Variants in HACE1 observed in about 807,000 individuals in gnomAD.
The protein encoded by HACE1 is HECT domain and ankyrin repeat containing E3 ubiquitin protein ligase 1, also known as E3 ubiquitin-protein ligase HACE1.
Under a neutral mutation model 118.4 loss-of-function variants are expected in HACE1, and 73 were observed. That is an observed-to-expected ratio of 0.62 (90% CI 0.51 to 0.75). The LOEUF is 0.75. HACE1 is among the 30% of genes least tolerant of loss of function. The pLI is 0.00. For synonymous variants in HACE1, 368 were observed against 374.8 expected, an observed-to-expected ratio of 0.98 and a Z score of 0.21; for missense variants, 749 against 1,102.2, an observed-to-expected ratio of 0.68 and a Z score of 4.54.
intron 5 of HACE1, 30 bp downstream of exon 5, chr6:104,843,192 TA>T: frequency 9.2e-7 from 1 of 1,084,312 alleles, no homozygotes; most frequent in Non-Finnish European, 1.4e-6. Flanking sequence ...AACATACTTT[TA>T]AAACATCAGA....
chr6:104,838,890 TAAAAAAAAAAA>T (rs71003448), intron 5 of HACE1, among the ~76,000 whole-genome samples: 12 of 58,858 alleles, frequency 2.0e-4, no homozygotes, highest in African/African-American at 4.1e-4. Context: ...AACTCCATAG[TAAAAAAAAAAA>T]AAAAAAAAAA....
intron 6 of HACE1, among the ~76,000 whole-genome samples, chr6:104,825,295 C>T (rs1442886891): frequency 6.6e-6 from 1 of 152,052 alleles, no homozygotes. Flanking sequence ...CCTTTGCAAA[C>T]CCCCACCTCT....
chr6:104,776,793 C>T lies in HACE1; in HGVS notation c.1812G>A (p.Leu604=). 1.2e-6 allele frequency: 2 copies of T among 1,610,652 alleles called. No homozygotes were observed. The highest frequency in any genetic ancestry group is 8.5e-7 in the Non-Finnish European group (1 of 1,176,916). ...AATCAGGATTGACTATCTCATTGGACAGAATATCAAACCACTCACGCACAA... is the reference window on the plus strand; with the variant it reads ...AATCAGGATTGACTATCTCATTGGATAGAATATCAAACCACTCACGCACAA... The part of the protein sequence containing the change: ...QGVVREWFDI[L]SNEIVNPDYA... Residue 604 remains leucine, a synonymous_variant, in exon 17 of 24, where the codon CTG becomes CTA. Coordinates refer to ENST00000262903, the MANE Select transcript of HACE1 (RefSeq NM_020771.4).
rs1339838735 is a variant in HACE1, at chr6:104,728,709, C to G, written c.*953G>C. ...ATATGCTGTAACTATTCAAGTACGT[C>G]TTTTCAAAATAAAACTGATTAACCA... On this transcript the variant is annotated 3_prime_UTR_variant, in exon 24 of 24. Transcript: ENST00000262903. The G allele has an allele frequency of 6.6e-6, 1 of 152,122 alleles. No homozygotes were observed. Among genetic ancestry groups the G allele is most frequent in the African/African-American group, 2.4e-5 (1 of 41,434 alleles). The allele number at this position is 152,122 out of a possible 1,614,324, so 9.4% of individuals were successfully genotyped here.
chr6:104,806,504 T>C (rs1392598248), intron 7 of HACE1, among the ~76,000 whole-genome samples: 1 of 152,074 alleles, frequency 6.6e-6, no homozygotes, highest in African/African-American at 2.4e-5. Flanking sequence ...TTTAAATAGA[T>C]TTAAAAACAA....
intron 2 of HACE1, 143 bp downstream of exon 2, chr6:104,852,174 C>A: frequency 1.5e-6 from 1 of 646,124 alleles, no homozygotes; most frequent in South Asian, 1.7e-5. Flanking sequence ...AATAACTTGC[C>A]CCAGAACATC....
Position 104,744,550 on chromosome 6 carries a change from A to G in HACE1, c.2404T>C (p.Tyr802His), listed in dbSNP as rs1777196226. The G allele has an allele frequency of 6.2e-7, 1 of 1,603,562 alleles. No homozygotes were observed. The highest frequency in any genetic ancestry group is 8.5e-7 in the Non-Finnish European group (1 of 1,170,530). Residue 802 changes from tyrosine (Y) to histidine (H), a missense_variant, in exon 21 of 24, where the codon TAC becomes CAC. Coordinates refer to ENST00000262903, the MANE Select transcript of HACE1 (RefSeq NM_020771.4). ...TCTTCTCTTTCATAGCCACTTGTGT[A>G]TTCTGTATTTTTTATCCAATCACTC... The part of the protein sequence containing the change: ...DVSDWIKNTE[Y>H]TSGYEREDPV...
chr6:104,731,630 C>T (rs1436383854), intron 22 of HACE1: 1 of 152,008 alleles, frequency 6.6e-6, no homozygotes, highest in Admixed American at 6.6e-5. Flanking sequence ...ACAGTCTTTT[C>T]AACGAAGTGT....
intron 7 of HACE1, among the ~76,000 whole-genome samples, chr6:104,809,097 A>G (rs1163440410): frequency 3.9e-5 from 6 of 152,326 alleles, no homozygotes; most frequent in African/African-American, 1.2e-4. Flanking sequence ...ATTGTTTTTT[A>G]TAAGATATTT....
chr6:104,843,024 A>G (rs554240278), intron 5 of HACE1, among the ~76,000 whole-genome samples, 199 bp downstream of exon 5: 1 of 152,290 alleles, frequency 6.6e-6, no homozygotes, highest in African/African-American at 2.4e-5. Flanking sequence ...AGGCACAAGA[A>G]TCGCTTGAAC....
chr6:104,784,386 G>A (rs1349041910), intron 13 of HACE1, 31 bp downstream of exon 13: 2 of 1,396,606 alleles, frequency 1.4e-6, no homozygotes, highest in Admixed American at 3.3e-5. Flanking sequence ...GGAAAGGCTA[G>A]CAGGGTACTC....
intron 22 of HACE1, among the ~76,000 whole-genome samples, chr6:104,735,856 A>T (rs1376164094): frequency 1.3e-5 from 2 of 152,170 alleles, no homozygotes; most frequent in Non-Finnish European, 2.9e-5. Flanking sequence ...TAAATAGGAA[A>T]ATTTAGCAAT....
chr6:104,803,450 A>T (rs1004105909), intron 7 of HACE1, among the ~76,000 whole-genome samples: 17 of 152,228 alleles, frequency 1.1e-4, no homozygotes, highest in Admixed American at 9.8e-4. Flanking sequence ...ATGAACATTG[A>T]TGCAAAAATC....
At chr6:104,783,643 G>A (rs1781997084) in intron 14 of HACE1, among the ~76,000 whole-genome samples, 1 of 152,206 alleles carries the variant, frequency 6.6e-6, no homozygotes, top group Non-Finnish European at 1.5e-5. Context: ...TCTGGTAGGG[G>A]AAAGGTGGTC....
At chr6:104,744,465 T>C in intron 21 of HACE1, 47 bp downstream of exon 21, 2 of 1,102,280 alleles carry the variant, frequency 1.8e-6, no homozygotes, top group Non-Finnish European at 2.8e-6. Context: ...GCTTACAAAA[T>C]TAAACGGCAA....
chr6:104,760,309 G>A (rs9486008), intron 19 of HACE1, among the ~76,000 whole-genome samples: 5,188 of 152,120 alleles, frequency 0.034, 277 homozygotes, highest in African/African-American at 0.12. Flanking sequence ...ATAAAATACC[G>A]GCAAACCAAA....
At chr6:104,773,713 C>G (rs978754354) in intron 17 of HACE1, among the ~76,000 whole-genome samples, 5 of 151,248 alleles carry the variant, frequency 3.3e-5, no homozygotes. Context: ...TTAATTCCTT[C>G]TCTAATTACT....
At position 104,791,654 on chromosome 6, in the gene HACE1, G is replaced by T; in HGVS notation, c.924C>A (p.Ser308Arg). The T allele has an allele frequency of 6.3e-7, 1 of 1,595,944 alleles. No homozygotes were observed. The highest frequency in any genetic ancestry group is 8.6e-7 in the Non-Finnish European group (1 of 1,164,420). The change falls in exon 11 of 24, where the codon AGC becomes AGA. Residue 308 changes from serine to arginine, a missense_variant and splice_region_variant. This residue lies in a region of HACE1 where 267 missense variants were observed against 312.2 expected (regional missense o/e 0.86). Coordinates refer to ENST00000262903, the MANE Select transcript of HACE1 (RefSeq NM_020771.4). ...TTTGAGCATCATAATTGCTAGAGAG[G>T]CTGAAAATAAAAATTAAAATATGAG... Reference protein sequence around the residue: ...VATTNGHKLLSLSSNYDAQMK... With the variant: ...VATTNGHKLLRLSSNYDAQMK...
At position 104,767,268 on chromosome 6, in the gene HACE1, C is replaced by T. The variant is rs149450812; in HGVS notation, c.2211+3925G>A. ...GGCAACACTATCAGACATTAGGTGGCCCAATCCACAACAGTGGCAGTTATC... is the reference window on the plus strand; with the variant it reads ...GGCAACACTATCAGACATTAGGTGGTCCAATCCACAACAGTGGCAGTTATC... On this transcript the variant is annotated intron_variant, in intron 19 of 23. Coordinates refer to ENST00000262903, the MANE Select transcript of HACE1 (RefSeq NM_020771.4). 6.7e-4 allele frequency among the ~76,000 whole-genome samples: 102 copies of T among 152,246 alleles called. No homozygotes were observed. In the East Asian group the frequency reaches 0.016, roughly 23 times the overall value.
Sources: allele counts gnomAD v4.1 joint callset (sites outside exome capture counted in the v4.1 genomes callset), GRCh38; gene constraint gnomAD v4.1.1; regional missense constraint gnomAD v4.1.1; transcripts MANE v1.5; gene names NCBI Gene and HGNC (gene_info 2026-07-23, HGNC 2026-07-21).